Variants in INMT observed in about 807,000 individuals in gnomAD.
The protein encoded by INMT is amine N-methyltransferase.
In INMT, 11 loss-of-function variants were observed where a neutral mutation model predicts 11.5. The ratio of observed to expected loss-of-function variants is 0.95; its 90% CI spans 0.60 to 1.58. INMT has a LOEUF of 1.58. INMT is among the 40% of genes most tolerant of loss of function. The pLI is 0.00. For missense variants in INMT, 316 were observed against 336.1 expected (o/e 0.94, Z 0.47); for synonymous variants, 155 against 142.9 (o/e 1.08, Z -0.60).
Position 30,755,904 on chromosome 7 carries a change from T to C in INMT, c.*53T>C. The C allele has an allele frequency of 6.4e-7, 1 of 1,555,434 alleles. No homozygotes were observed. The highest frequency in any genetic ancestry group is 1.2e-5 in the South Asian group (1 of 83,774). On this transcript the variant is annotated 3_prime_UTR_variant, in exon 3 of 3. Transcript: ENST00000013222. ...CAGGCTGTGAGGCCTTGGCCATCTGTATGCTAGAGAGGGGTGAGGAATGGA... is the reference window on the plus strand; with the variant it reads ...CAGGCTGTGAGGCCTTGGCCATCTGCATGCTAGAGAGGGGTGAGGAATGGA...
rs1786297972 is a variant in INMT, at chr7:30,757,434, CAG to C, written c.*1591_*1592del. 4.8e-6 allele frequency: 1 copy of C among 206,728 alleles called. No individual in the cohort carries two copies. The highest frequency in any genetic ancestry group is 7.0e-5 in the South Asian group (1 of 14,338). 12.8% of individuals were successfully genotyped at this position (206,728 alleles called of 1,614,324 possible). On this transcript the variant is annotated 3_prime_UTR_variant, in exon 3 of 3. Transcript: ENST00000013222. ...GGACACAGCTCAGCTTGCTCACGCC[CAG>C]AGAGAGAAAAAGTTAAGCTGCTGAC...
chr7:30,753,820 A>T lies in INMT; in HGVS notation c.244A>T (p.Thr82Ser), dbSNP rs200570990. 1 of 1,613,818 alleles carries T rather than the reference A, an allele frequency of 6.2e-7. No homozygotes were observed. Among genetic ancestry groups the T allele is most frequent in the African/African-American group, 1.3e-5 (1 of 74,822 alleles). ...TGCCTGTGATTCCTTCCAAGACATC[A>T]CTCTCTCCGACTTTACCGACCGCAA... is the stretch of plus-strand genomic sequence containing the variant. ...LAACDSFQDI[T>S]LSDFTDRNRE... The change falls in exon 2 of 3, where the codon ACT (threonine) becomes TCT (serine). Residue 82 changes from threonine to serine, a missense_variant. Thr to Ser is a moderately conservative substitution (Grantham distance 58). Transcript: ENST00000013222.
In INMT at chr7:30,755,683, G is replaced by A; in HGVS notation, c.624G>A (p.Lys208=). 6.2e-7 allele frequency: 1 copy of A among 1,614,240 alleles called. No homozygotes were observed. The highest frequency in any genetic ancestry group is 1.6e-4 in the Middle Eastern group (1 of 6,062). The change falls in exon 3 of 3, where the codon AAG becomes AAA. Residue 208 remains lysine (K), a synonymous_variant. Transcript: ENST00000013222. The part of the protein sequence containing the change: ...TLRLPSYMVG[K]REFSCVALEK... ...GGCTCCCGTCCTACATGGTGGGGAAGCGTGAATTTTCCTGCGTGGCCCTGG... is the reference window on the plus strand; with the variant it reads ...GGCTCCCGTCCTACATGGTGGGGAAACGTGAATTTTCCTGCGTGGCCCTGG...
chr7:30,752,833 C>T (rs989964420), intron 1 of INMT, among the ~76,000 whole-genome samples: 2 of 152,190 alleles, frequency 1.3e-5, no homozygotes, highest in Admixed American at 6.5e-5. Context: ...GCCATCTGCA[C>T]GATGGATGGT....
intron 2 of INMT, 50 bp from the exon 3 acceptor site, chr7:30,755,372 T>TA: frequency 6.9e-7 from 1 of 1,458,348 alleles, no homozygotes; most frequent in Non-Finnish European, 9.2e-7. Flanking sequence ...GACTGAGAGT[T>TA]CCCTTCAGAA....
rs1246990550 is a variant in INMT, at chr7:30,754,030, A to G, written c.362+92A>G. Reference sequence around the variant, plus strand: ...CTTTGTTGTCTCTGACATTTTCAGGACAGTAGGACCTTCAGGTATAGGACC... The same window carrying G: ...CTTTGTTGTCTCTGACATTTTCAGGGCAGTAGGACCTTCAGGTATAGGACC... On this transcript the variant is annotated intron_variant, in intron 2 of 2. Transcript: ENST00000013222. The surrounding 1 kb of genome is among the most constrained non-coding windows in gnomAD (Gnocchi z 4.9). 4.2e-5 allele frequency: 55 copies of G among 1,300,206 alleles called. No homozygotes were observed. The highest frequency in any genetic ancestry group is 2.7e-4 in the Middle Eastern group (1 of 3,748). The allele number at this position is 1,300,206 out of a possible 1,614,324, so 80.5% of individuals were successfully genotyped here.
At chr7:30,753,031 C>T (rs999745467) in intron 1 of INMT, among the ~76,000 whole-genome samples, 2 of 152,156 alleles carry the variant, frequency 1.3e-5, no homozygotes, top group East Asian at 1.9e-4. Context: ...AGGAGCAGGC[C>T]GGTGTGGGAG....
Position 30,753,772 on chromosome 7 carries a change from C to T in INMT, c.196C>T (p.Pro66Ser). ...GDTLIDIGSG[P>S]TIYQVLAACD... ...CACGCTGATTGACATTGGCTCAGGT[C>T]CTACCATCTACCAAGTTCTTGCTGC... Residue 66 changes from proline (P) to serine (S), a missense_variant, in exon 2 of 3, where the codon CCT (proline) becomes TCT (serine). Physicochemically the swap from Pro to Ser is moderately conservative, Grantham distance 74 (BLOSUM62 -1). Transcript: ENST00000013222. 6.2e-7 allele frequency: 1 copy of T among 1,614,214 alleles called. No individual in the cohort carries two copies. The highest frequency in any genetic ancestry group is 8.5e-7 in the Non-Finnish European group (1 of 1,180,036).
In INMT at chr7:30,754,918, T is replaced by A. The variant is rs185958114; in HGVS notation, c.363-504T>A. 3.3e-5 allele frequency among the ~76,000 whole-genome samples: 5 copies of A among 152,230 alleles called. No homozygotes were observed. The highest frequency in any genetic ancestry group is 7.2e-5 in the African/African-American group (3 of 41,470). On this transcript the variant is annotated intron_variant, in intron 2 of 2. Coordinates refer to ENST00000013222, the MANE Select transcript of INMT (RefSeq NM_006774.5). This position sits in a 1 kb window ranked among gnomAD's most constrained non-coding sequence, Gnocchi z 4.9. ...GCTTATCATTCCCTTTTTCAAAAAA[T>A]TTTTTTCTTGCATACTTATGTATAT...
At position 30,755,589 on chromosome 7, in the gene INMT, G is replaced by A. The variant is rs996421042; in HGVS notation, c.530G>A (p.Arg177His). 3.7e-5 allele frequency: 60 copies of A among 1,613,930 alleles called. 1 individual carries two copies. The East Asian group carries it at 9.4e-4, about 25-fold the overall frequency. ...ECACCSLDAY[R>H]AALCNLASLL... ...GCCTGCTGTAGCCTTGATGCCTACC[G>A]CGCTGCCCTGTGCAACCTTGCCTCA... The change falls in exon 3 of 3, where the codon CGC becomes CAC. Residue 177 changes from arginine to histidine, a missense_variant. Arg to His is a conservative substitution (Grantham distance 29, BLOSUM62 0). Coordinates refer to ENST00000013222, the MANE Select transcript of INMT (RefSeq NM_006774.5).
rs187692694 is a variant in INMT, at chr7:30,753,849, G to A, written c.273G>A (p.Arg91=). 14 of 1,614,182 alleles carry A rather than the reference G, an allele frequency of 8.7e-6. No individual in the cohort carries two copies. The highest frequency in any genetic ancestry group is 1.2e-5 in the Non-Finnish European group (14 of 1,180,018). The change falls in exon 2 of 3, where the codon CGG becomes CGA. Residue 91 remains arginine (R), a synonymous_variant. Transcript: ENST00000013222. Reference sequence around the variant, plus strand: ...TCTCCGACTTTACCGACCGCAACCGGGAGGAGCTGGAAAAGTGGCTGAAGA... The same window carrying A: ...TCTCCGACTTTACCGACCGCAACCGAGAGGAGCTGGAAAAGTGGCTGAAGA... ...ITLSDFTDRN[R]EELEKWLKKE...
chr7:30,752,890 C>T (rs1344993631), intron 1 of INMT, among the ~76,000 whole-genome samples: 1 of 152,166 alleles, frequency 6.6e-6, no homozygotes, highest in African/African-American at 2.4e-5. Flanking sequence ...CATGGTGACC[C>T]CATGATTTGA....
rs533784502 is a variant in INMT, at chr7:30,752,369, C to T, written c.154+65C>T. ...AGGAACCTGGATGGGGATGGGGAGA[C>T]GGTGTCCTGGGGGCAGTCTGGTCTC... On this transcript the variant is annotated intron_variant, in intron 1 of 2. Coordinates refer to ENST00000013222, the MANE Select transcript of INMT (RefSeq NM_006774.5). The T allele has an allele frequency of 4.3e-5, 60 of 1,406,414 alleles. 1 individual carries two copies. The South Asian group carries it at 5.9e-4, about 14-fold the overall frequency. 87.1% of individuals were successfully genotyped at this position (1,406,414 alleles called of 1,614,324 possible). A position where few individuals can be genotyped will look rare whatever the true frequency, so the allele number is the denominator to read the frequency against.
Position 30,757,471 on chromosome 7 carries a change from A to G in INMT, c.*1620A>G. On this transcript the variant is annotated 3_prime_UTR_variant, in exon 3 of 3. Transcript: ENST00000013222. ...AAGTTAAGCTGCTGACCCTGAAGGC[A>G]AGGGAGAGCAGGCTGCACAGCTGTG... 5.4e-6 allele frequency: 1 copy of G among 186,882 alleles called. No homozygotes were observed. Among genetic ancestry groups the G allele is most frequent in the Non-Finnish European group, 1.1e-5 (1 of 90,142 alleles). 11.6% of individuals were successfully genotyped at this position (186,882 alleles called of 1,614,324 possible). A position where few individuals can be genotyped will look rare whatever the true frequency, so the allele number is the denominator to read the frequency against.
intron 1 of INMT, 152 bp from the exon 2 acceptor site, chr7:30,753,579 C>A: frequency 1.4e-6 from 1 of 699,654 alleles, no homozygotes; most frequent in African/African-American, 1.8e-5. Context: ...AAATATTTGG[C>A]ATGAGGCTTG....
At position 30,754,069 on chromosome 7, in the gene INMT, T is replaced by C. The variant is rs1379421323; in HGVS notation, c.362+131T>C. The C allele has an allele frequency of 1.1e-6, 1 of 884,552 alleles. No individual in the cohort carries two copies. The highest frequency in any genetic ancestry group is 1.7e-6 in the Non-Finnish European group (1 of 575,184). 54.8% of individuals were successfully genotyped at this position (884,552 alleles called of 1,614,324 possible). Reference sequence around the variant, plus strand: ...AGGTATAGGACCAGATGTCCTGTGGTGGGGATAGAGTAGATGGAATCCCAA... The same window carrying C: ...AGGTATAGGACCAGATGTCCTGTGGCGGGGATAGAGTAGATGGAATCCCAA... On this transcript the variant is annotated intron_variant, in intron 2 of 2. Coordinates refer to ENST00000013222, the MANE Select transcript of INMT (RefSeq NM_006774.5). The surrounding 1 kb of genome is among the most constrained non-coding windows in gnomAD (Gnocchi z 4.9).
rs779736532 is a variant in INMT at position 30,755,473 on chromosome 7, G to C, written c.414G>C (p.Val138=). 1 of 1,601,434 alleles carries C rather than the reference G, an allele frequency of 6.2e-7. No individual in the cohort carries two copies. The highest frequency in any genetic ancestry group is 8.5e-7 in the Non-Finnish European group (1 of 1,179,902). ...AGCTGCGGGCAGCGGTGAAGCGGGT[G>C]CTCAAGTGCGATGTCCACCTGGGCA... The part of the protein sequence containing the change: ...EEKLRAAVKR[V]LKCDVHLGNP... Residue 138 remains valine (V), a synonymous_variant, in exon 3 of 3, where the codon GTG becomes GTC. Transcript: ENST00000013222.
Position 30,757,345 on chromosome 7 carries a change from G to T in INMT, c.*1494G>T. ...CATGGCTTGACATGGTGGGCACACT[G>T]GCGCCCAGTAAGAGAGAGAGAGAGC... On this transcript the variant is annotated 3_prime_UTR_variant, in exon 3 of 3. Transcript: ENST00000013222. 1 of 225,962 alleles carries T rather than the reference G, an allele frequency of 4.4e-6. No homozygotes were observed. Among genetic ancestry groups the T allele is most frequent in the Admixed American group, 5.4e-5 (1 of 18,544 alleles). 14.0% of individuals were successfully genotyped at this position (225,962 alleles called of 1,614,324 possible).
rs1168695422 is a variant in INMT at position 30,756,460 on chromosome 7, T to A, written c.*609T>A. 1 of 147,724 alleles carries A rather than the reference T, an allele frequency of 6.8e-6. No individual in the cohort carries two copies. The highest frequency in any genetic ancestry group is 6.9e-5 in the Admixed American group (1 of 14,488). The allele number at this position is 147,724 out of a possible 1,614,324, so 9.2% of individuals were successfully genotyped here. A position where few individuals can be genotyped will look rare whatever the true frequency, so the allele number is the denominator to read the frequency against. On this transcript the variant is annotated 3_prime_UTR_variant, in exon 3 of 3. Coordinates refer to ENST00000013222, the MANE Select transcript of INMT (RefSeq NM_006774.5). ...TTTCGCTCTGTCGCCCAGGCTGGAG[T>A]GCAGTGGCGCGATCTCGACTCACTG...
Sources: gnomAD v4.1 joint callset for allele counts (sites outside exome capture counted in the v4.1 genomes callset) on GRCh38, gnomAD v4.1.1 for gene constraint, Gnocchi (gnomAD v3.1) non-coding constraint, MANE v1.5 for transcripts, NCBI Gene and HGNC (gene_info 2026-07-23, HGNC 2026-07-21) for gene names.